Variants in PSD3 observed in about 807,000 individuals in gnomAD.
PSD3 encodes the protein PH and SEC7 domain-containing protein 3.
Under a neutral mutation model 105.5 loss-of-function variants are expected in PSD3, and 49 were observed. That is an observed-to-expected ratio of 0.46 (90% confidence interval 0.37 to 0.59). The LOEUF (loss-of-function observed/expected upper bound fraction) is 0.59. Ranked by LOEUF, PSD3 falls within the 20% of genes least tolerant of loss-of-function variation. The pLI, the probability that PSD3 is intolerant of heterozygous loss-of-function variation, is 0.00. For missense variants in PSD3, 1,561 were observed against 1,263.8 expected (o/e 1.24, Z -3.57); for synonymous variants, 557 against 457.8 (o/e 1.22, Z -2.77).
At chr8:18,642,989 A>G (rs1246833124) in intron 10 of PSD3, among the ~76,000 whole-genome samples, 1 of 152,222 alleles carries the variant, frequency 6.6e-6, no homozygotes, top group Non-Finnish European at 1.5e-5. Context: ...TAGGTTCTTG[A>G]TAAAATTACA....
chr8:18,572,645 T>C lies in PSD3; in HGVS notation c.2667A>G (p.Ile889Met). ...CAGCTGCCACACAATTGATTTTGTT[T>C]ATCCACCCTTGCATTTCCTCTGGGC... is the stretch of plus-strand genomic sequence containing the variant. ...TQSPEEMQGW[I>M]NKINCVAAVF... Residue 889 changes from isoleucine (I) to methionine (M), a missense_variant, in exon 14 of 16, where the codon ATA (isoleucine) becomes ATG (methionine). Transcript: ENST00000327040. The C allele has an allele frequency of 6.2e-7, 1 of 1,614,092 alleles. No individual in the cohort carries two copies. Among genetic ancestry groups the C allele is most frequent in the South Asian group, 1.1e-5 (1 of 91,076 alleles).
chr8:18,984,192 A>AAATTAAT (rs144904865), intron 1 of PSD3, among the ~76,000 whole-genome samples: 1 of 146,418 alleles, frequency 6.8e-6, no homozygotes, highest in Non-Finnish European at 1.5e-5. Context: ...CCTTCAATTA[A>AAATTAAT]AATAATAATA....
upstream of PSD3, among the ~76,000 whole-genome samples, chr8:19,014,777 C>G (rs1436885076): frequency 6.6e-6 from 1 of 152,228 alleles, no homozygotes; most frequent in African/African-American, 2.4e-5. The surrounding 1 kb of genome is among the most constrained non-coding windows in gnomAD (Gnocchi z 4.9). Context: ...ACCATGTCAG[C>G]ATGGGCTGCC....
rs552212789 is a variant in PSD3 at position 18,882,782 on chromosome 8, C to G, written c.131-10049G>C. ...CCATACCATATATAGCTAATACCTA[C>G]CATACTCCACTATACAGATATATGG... On this transcript the variant is annotated intron_variant, in intron 2 of 15. Coordinates refer to ENST00000327040, the MANE Select transcript of PSD3 (RefSeq NM_015310.4). 2.6e-5 allele frequency among the ~76,000 whole-genome samples: 4 copies of G among 151,814 alleles called. No homozygotes were observed. In the East Asian group the frequency reaches 7.8e-4, roughly 29 times the overall value.
intron 2 of PSD3, among the ~76,000 whole-genome samples, chr8:18,927,342 T>C (rs1248323186): frequency 6.6e-6 from 1 of 151,972 alleles, no homozygotes; most frequent in Non-Finnish European, 1.5e-5. Context: ...GCCTCCCGAG[T>C]AGCTGGGATT....
chr8:18,572,654 T>G lies in PSD3; in HGVS notation c.2658A>C (p.Gln886His). The G allele has an allele frequency of 6.2e-7, 1 of 1,614,016 alleles. No homozygotes were observed. The highest frequency in any genetic ancestry group is 8.5e-7 in the Non-Finnish European group (1 of 1,179,882). ...LFQTQSPEEMQGWINKINCVA... is the reference protein window; with the variant it reads ...LFQTQSPEEMHGWINKINCVA... Reference sequence around the variant, plus strand: ...CACAATTGATTTTGTTTATCCACCCTTGCATTTCCTCTGGGCTCCTATGAG... The same window carrying G: ...CACAATTGATTTTGTTTATCCACCCGTGCATTTCCTCTGGGCTCCTATGAG... Residue 886 changes from glutamine to histidine, a missense_variant, in exon 14 of 16, where the codon CAA becomes CAC. Transcript: ENST00000327040.
At chr8:18,763,105 G>A (rs1806677670) in intron 9 of PSD3, 3 of 459,372 alleles carry the variant, frequency 6.5e-6, no homozygotes, top group South Asian at 4.7e-5. Flanking sequence ...AAGTACAAAT[G>A]TTACTTCTGG....
intron 15 of PSD3, among the ~76,000 whole-genome samples, chr8:18,551,287 A>G (rs1385561784): frequency 6.6e-6 from 1 of 152,176 alleles, no homozygotes; most frequent in African/African-American, 2.4e-5. Flanking sequence ...AAACTACCCA[A>G]CGCTACTGAC....
chr8:18,779,481 T>C (rs931095350), intron 8 of PSD3, among the ~76,000 whole-genome samples: 3 of 152,166 alleles, frequency 2.0e-5, no homozygotes, highest in Admixed American at 2.0e-4. Context: ...TTCCTGCTGT[T>C]AATTTTGTAT....
intron 9 of PSD3, among the ~76,000 whole-genome samples, chr8:18,700,094 C>T (rs1205640288): frequency 2.6e-5 from 4 of 152,136 alleles, no homozygotes; most frequent in Non-Finnish European, 5.9e-5. Context: ...ACCTTATTTT[C>T]ATTTTCCTAG....
chr8:18,895,591 T>C (rs1819095457), intron 2 of PSD3, among the ~76,000 whole-genome samples: 1 of 152,240 alleles, frequency 6.6e-6, no homozygotes, highest in African/African-American at 2.4e-5. Context: ...AGATTAATTT[T>C]CCTATAGCAC....
intron 12 of PSD3, among the ~76,000 whole-genome samples, chr8:18,590,907 T>C (rs1803554495): frequency 2.0e-5 from 3 of 152,132 alleles, no homozygotes; most frequent in Admixed American, 6.5e-5. Context: ...CTGTTTATGA[T>C]AACATACAGA....
intron 11 of PSD3, 71 bp from the exon 12 acceptor site, chr8:18,600,505 C>G (rs77583765): frequency 0.05 from 62,030 of 1,240,946 alleles, 1,869 homozygotes; most frequent in East Asian, 0.13. Flanking sequence ...AAATGATCAA[C>G]ATGGTGACAG....
intron 11 of PSD3, among the ~76,000 whole-genome samples, chr8:18,613,251 C>T (rs1021347673): frequency 4.6e-5 from 7 of 152,018 alleles, no homozygotes; most frequent in African/African-American, 1.7e-4. Context: ...CGGATGAAGC[C>T]CACCCTTTTC....
chr8:19,035,059 C>T (rs1827896798), intron 1 of PSD3, among the ~76,000 whole-genome samples: 1 of 152,074 alleles, frequency 6.6e-6, no homozygotes, highest in South Asian at 2.1e-4. Context: ...ATGAAATGTT[C>T]ATTTTTGACT....
At chr8:18,887,824 AATAAT>A (rs964740531) in intron 2 of PSD3, among the ~76,000 whole-genome samples, 3 of 152,216 alleles carry the variant, frequency 2.0e-5, no homozygotes, top group African/African-American at 7.2e-5. Flanking sequence ...TCTGATAAGT[AATAAT>A]ATAAGCAGGA....
chr8:19,027,066 T>A (rs1827582061), intron 1 of PSD3, among the ~76,000 whole-genome samples: 1 of 152,042 alleles, frequency 6.6e-6, no homozygotes, highest in Non-Finnish European at 1.5e-5. Flanking sequence ...GGACTGCAAA[T>A]AGAATTCTCA....
chr8:18,628,930 T>C (rs1366801963), intron 11 of PSD3, among the ~76,000 whole-genome samples: 1 of 151,934 alleles, frequency 6.6e-6, no homozygotes, highest in East Asian at 1.9e-4. Flanking sequence ...AGACGGCAGA[T>C]TTAAAGTCAA....
intron 12 of PSD3, among the ~76,000 whole-genome samples, chr8:18,576,143 T>C (rs1460268839): frequency 6.6e-6 from 1 of 152,138 alleles, no homozygotes; most frequent in Admixed American, 6.5e-5. Context: ...TCCTCCATAC[T>C]TCCCCTCCCT....
Sources: allele counts gnomAD v4.1 joint callset (sites outside exome capture counted in the v4.1 genomes callset), GRCh38; gene constraint gnomAD v4.1.1; non-coding constraint Gnocchi (gnomAD v3.1); transcripts MANE v1.5; gene names NCBI Gene and HGNC (gene_info 2026-07-23, HGNC 2026-07-21).